Variants in MCPH1 observed in about 807,000 individuals in gnomAD.
MCPH1 encodes microcephalin 1.
A neutral mutation model predicts 84.5 loss-of-function variants in MCPH1; 104 were observed. The ratio of observed to expected loss-of-function variants is 1.23; its 90% CI spans 1.05 to 1.45. The LOEUF (loss-of-function observed/expected upper bound fraction) is 1.45, where lower values mean the gene tolerates loss of function less well. Among genes scored for constraint, MCPH1 ranks in the 40% most tolerant of loss-of-function variants. The probability of loss-of-function intolerance (pLI) is 0.00; values close to 1 mark genes in which losing one functional copy is unlikely to be tolerated. For synonymous variants in MCPH1, 514 were observed against 366.8 expected (o/e 1.40, Z -4.58); for missense variants, 1,498 against 1,005.7 (o/e 1.49, Z -6.62).
At chr8:6,511,869 C>A (rs1264936552) in intron 12 of MCPH1, among the ~76,000 whole-genome samples, 1 of 150,632 alleles carries the variant, frequency 6.6e-6, no homozygotes, top group African/African-American at 2.4e-5. Flanking sequence ...TCTTTTTATA[C>A]AAACAGCCTA....
chr8:6,469,845 GCTCCCTCATCTCTA>G (rs1807481939), intron 9 of MCPH1, among the ~76,000 whole-genome samples: 1 of 151,870 alleles, frequency 6.6e-6, no homozygotes, highest in African/African-American at 2.4e-5. Context: ...CTCTCTCCCT[GCTCCCTCATCTCTA>G]CTCCTTTAGA....
Position 6,442,133 on chromosome 8 carries a change from T to C in MCPH1, c.647T>C (p.Ile216Thr), listed in dbSNP as rs75741316. Reference protein sequence around the residue: ...SNSLCEAPLNISRDTLCSDEY... With the variant: ...SNSLCEAPLNTSRDTLCSDEY... The stretch of plus-strand genomic sequence containing the variant: ...TCTCTGTGTGAAGCACCTTTGAACA[T>C]TTCACGTGATACTTTGTGTTCAGGT... The change falls in exon 7 of 14, where the codon ATT becomes ACT. Residue 216 changes from isoleucine to threonine, a missense_variant. Transcript: ENST00000344683. 1,158 of 1,610,958 alleles carry C rather than the reference T, an allele frequency of 7.2e-4. 12 individuals are homozygous for C. The East Asian group carries it at 0.02, about 28-fold the overall frequency.
intron 12 of MCPH1, among the ~76,000 whole-genome samples, chr8:6,579,789 T>A (rs1455723596): frequency 6.6e-6 from 1 of 152,188 alleles, no homozygotes. Flanking sequence ...GGGTTCTTAG[T>A]TATCAGCAAG....
intron 12 of MCPH1, among the ~76,000 whole-genome samples, chr8:6,595,118 A>G (rs895301118): frequency 1.3e-5 from 2 of 152,198 alleles, no homozygotes; most frequent in African/African-American, 4.8e-5. Flanking sequence ...TCGCTCCCCT[A>G]TCAGTAAAAC....
intron 11 of MCPH1, among the ~76,000 whole-genome samples, chr8:6,490,577 CTG>C (rs1810449048): frequency 6.6e-6 from 1 of 152,120 alleles, no homozygotes; most frequent in Admixed American, 6.5e-5. Context: ...TTTTAGGAAA[CTG>C]TTGTACTTTT....
chr8:6,462,746 G>A (rs1027135809), intron 9 of MCPH1, among the ~76,000 whole-genome samples: 10 of 152,188 alleles, frequency 6.6e-5, no homozygotes, highest in African/African-American at 2.4e-4. Context: ...AATAATAATA[G>A]TACCAGTCTC....
At chr8:6,481,862 G>C (rs1022497143) in intron 11 of MCPH1, among the ~76,000 whole-genome samples, 1 of 152,198 alleles carries the variant, frequency 6.6e-6, no homozygotes, top group Non-Finnish European at 1.5e-5. Flanking sequence ...CTCTCATCCA[G>C]GGTTTTGTTT....
rs1406128839 is a variant in MCPH1, at chr8:6,645,333, C to A, written c.*2284C>A. On this transcript the variant is annotated 3_prime_UTR_variant, in exon 14 of 14. Transcript: ENST00000344683. The stretch of plus-strand genomic sequence containing the variant: ...ACTAAGCACATTATATGTTGTACTT[C>A]ATTTTACCCTTTCAACAATCCTATT... 1 of 152,138 alleles carries A rather than the reference C, an allele frequency of 6.6e-6. No individual in the cohort carries two copies. Among genetic ancestry groups the A allele is most frequent in the Non-Finnish European group, 1.5e-5 (1 of 68,032 alleles). The allele number at this position is 152,138 out of a possible 1,614,324, so 9.4% of individuals were successfully genotyped here.
At chr8:6,471,973 GT>G (rs1807782902) in intron 9 of MCPH1, among the ~76,000 whole-genome samples, 1 of 152,198 alleles carries the variant, frequency 6.6e-6, no homozygotes, top group Admixed American at 6.5e-5. Flanking sequence ...TTTATTGAGA[GT>G]TCATTACAAC....
At chr8:6,559,404 C>G (rs181365953) in intron 12 of MCPH1, among the ~76,000 whole-genome samples, 8 of 152,144 alleles carry the variant, frequency 5.3e-5, no homozygotes, top group African/African-American at 1.9e-4. Context: ...AGTAGTAGCT[C>G]TCATATATTA....
intron 12 of MCPH1, among the ~76,000 whole-genome samples, chr8:6,576,753 G>GGTCA (rs1436569618): frequency 2.6e-5 from 3 of 113,370 alleles, no homozygotes; most frequent in African/African-American, 1.0e-4. Context: ...TCACCATATT[G>GGTCA]GTCAGGGTGG....
At chr8:6,510,004 A>G (rs1266057000) in intron 12 of MCPH1, among the ~76,000 whole-genome samples, 1 of 152,170 alleles carries the variant, frequency 6.6e-6, no homozygotes, top group African/African-American at 2.4e-5. Context: ...TTTCTGCTGA[A>G]TGCGTATCAC....
chr8:6,634,521 C>G (rs1797401382), intron 13 of MCPH1, among the ~76,000 whole-genome samples: 2 of 152,194 alleles, frequency 1.3e-5, no homozygotes, highest in Admixed American at 6.5e-5. Context: ...ATGCAGCAGG[C>G]ACGCATAAGT....
intron 9 of MCPH1, among the ~76,000 whole-genome samples, chr8:6,472,477 T>C (rs2129558704): frequency 6.6e-6 from 1 of 152,282 alleles, no homozygotes; most frequent in South Asian, 2.1e-4. Flanking sequence ...TTTTGTTTTG[T>C]TTTTTTGAGA....
In MCPH1 at chr8:6,563,703, G is replaced by A. The variant is rs140378938; in HGVS notation, c.2215-57751G>A. Among the ~76,000 whole-genome samples, 548 of 152,258 alleles carry A rather than the reference G, an allele frequency of 3.6e-3. 4 individuals carry two copies. Among genetic ancestry groups the A allele is most frequent in the African/African-American group, 0.013 (523 of 41,550 alleles). On this transcript the variant is annotated intron_variant, in intron 12 of 13. Transcript: ENST00000344683. Reference sequence around the variant, plus strand: ...AGGAAGAAGTTTGGCTCCTGTAAACGTGTGCCTTTTCAGAGGGAAAAATAG... The same window carrying A: ...AGGAAGAAGTTTGGCTCCTGTAAACATGTGCCTTTTCAGAGGGAAAAATAG...
intron 7 of MCPH1, among the ~76,000 whole-genome samples, chr8:6,442,862 C>G (rs1303957654): frequency 2.0e-5 from 3 of 152,200 alleles, no homozygotes; most frequent in Admixed American, 6.5e-5. Context: ...AAGATGGCAT[C>G]AAGATATTAG....
At chr8:6,495,090 C>G (rs1811089910) in intron 11 of MCPH1, among the ~76,000 whole-genome samples, 1 of 151,712 alleles carries the variant, frequency 6.6e-6, no homozygotes, top group African/African-American at 2.4e-5. Context: ...TGAAATTTTG[C>G]CAGTTCAAGC....
At chr8:6,467,198 G>T (rs1807090582) in intron 9 of MCPH1, among the ~76,000 whole-genome samples, 1 of 152,156 alleles carries the variant, frequency 6.6e-6, no homozygotes, top group Non-Finnish European at 1.5e-5. Context: ...TATCAATAGT[G>T]AGTCTGTATA....
chr8:6,503,200 C>G (rs200666311), intron 12 of MCPH1: 5 of 1,614,128 alleles, frequency 3.1e-6, no homozygotes, highest in South Asian at 1.1e-5. Flanking sequence ...TATTTGTGTT[C>G]TGCCTCTGTG....
Sources: gnomAD v4.1 joint callset for allele counts (sites outside exome capture counted in the v4.1 genomes callset) on GRCh38, gnomAD v4.1.1 for gene constraint, MANE v1.5 for transcripts, NCBI Gene and HGNC (gene_info 2026-07-23, HGNC 2026-07-21) for gene names.